ZNF804B: variants seen among roughly 807,000 people sequenced by gnomAD.
The protein encoded by ZNF804B is zinc finger 804B.
ZNF804B carries 80 observed loss-of-function variants against 101.4 expected under a neutral mutation model. That is an observed-to-expected ratio of 0.79 (90% confidence interval 0.66 to 0.95). The LOEUF (loss-of-function observed/expected upper bound fraction) is 0.95, where lower values mean the gene tolerates loss of function less well. Ranked by LOEUF, ZNF804B falls within the 40% of genes least tolerant of loss-of-function variation. ZNF804B has a pLI of 0.00. For missense variants in ZNF804B, 1,673 were observed against 1,561.9 expected, an observed-to-expected ratio of 1.07 and a Z score of -1.20; for synonymous variants, 622 against 558.8, an observed-to-expected ratio of 1.11 and a Z score of -1.59.
At chr7:89,185,130 A>G (rs1224985238) in intron 1 of ZNF804B, among the ~76,000 whole-genome samples, 3 of 152,208 alleles carry the variant, frequency 2.0e-5, no homozygotes, top group Non-Finnish European at 4.4e-5. Context: ...AAAGATAGCA[A>G]TTAGAGAATG....
In ZNF804B at chr7:88,965,597, T is replaced by A. The variant is rs1046030908; in HGVS notation, c.108+205513T>A. On this transcript the variant is annotated intron_variant, in intron 1 of 3. Coordinates refer to ENST00000333190, the MANE Select transcript of ZNF804B (RefSeq NM_181646.5). ...GAGAAACTTGAAAACAGATGGCCCA[T>A]CTGTTTCTGTCTGTATGAATTGTGG... 3.3e-5 allele frequency among the ~76,000 whole-genome samples: 5 copies of A among 151,558 alleles called. No homozygotes were observed. In the East Asian group the frequency reaches 9.8e-4, roughly 30 times the overall value.
chr7:88,794,428 G>A, intron 1 of ZNF804B: 1 of 1,613,786 alleles, frequency 6.2e-7, no homozygotes. Flanking sequence ...GAGAAAATCT[G>A]TGATGACCTC....
intron 1 of ZNF804B, among the ~76,000 whole-genome samples, chr7:88,907,747 T>C (rs1792494772): frequency 2.6e-5 from 4 of 151,910 alleles, no homozygotes. Context: ...GGAAGCAAAT[T>C]CCATGTGTTT....
chr7:89,276,966 T>G (rs1399659697), intron 2 of ZNF804B, among the ~76,000 whole-genome samples: 1 of 151,656 alleles, frequency 6.6e-6, no homozygotes, highest in Non-Finnish European at 1.5e-5. Flanking sequence ...TGTATATGTT[T>G]GTGTCTTTTG....
chr7:89,286,081 T>TTACTA (rs1790191976), intron 2 of ZNF804B, among the ~76,000 whole-genome samples: 2 of 152,186 alleles, frequency 1.3e-5, no homozygotes, highest in South Asian at 4.1e-4. Context: ...TTTCTAAAGT[T>TTACTA]CTTTTGATGT....
chr7:88,767,524 T>C (rs970322380), intron 1 of ZNF804B, among the ~76,000 whole-genome samples: 1 of 152,242 alleles, frequency 6.6e-6, no homozygotes, highest in African/African-American at 2.4e-5. Flanking sequence ...ATAAATGCCA[T>C]ATTCCAAACA....
intron 1 of ZNF804B, among the ~76,000 whole-genome samples, chr7:88,802,813 G>A (rs972038995): frequency 6.6e-6 from 1 of 151,648 alleles, no homozygotes; most frequent in Non-Finnish European, 1.5e-5. Flanking sequence ...TGAATATCAA[G>A]TGCAGAATTT....
At chr7:88,877,016 A>ATATAATATATATATATATAT (rs1791953216) in intron 1 of ZNF804B, among the ~76,000 whole-genome samples, 2 of 83,482 alleles carry the variant, frequency 2.4e-5, no homozygotes, top group Admixed American at 1.4e-4. Context: ...AAATATATAT[A>ATATAATATATATATATATAT]TATATATATA....
At chr7:88,994,428 A>C (rs1793890952) in intron 1 of ZNF804B, among the ~76,000 whole-genome samples, 1 of 152,054 alleles carries the variant, frequency 6.6e-6, no homozygotes, top group African/African-American at 2.4e-5. Flanking sequence ...AGTGTTTTTC[A>C]GCTATTTCAT....
chr7:89,056,769 G>A (rs1203369004), intron 1 of ZNF804B, among the ~76,000 whole-genome samples: 1 of 152,066 alleles, frequency 6.6e-6, no homozygotes, highest in East Asian at 1.9e-4. Flanking sequence ...TAGGAGTGGG[G>A]GAAACACTAT....
At chr7:88,767,485 G>C (rs1012339038) in intron 1 of ZNF804B, among the ~76,000 whole-genome samples, 7 of 152,134 alleles carry the variant, frequency 4.6e-5, no homozygotes, top group Admixed American at 4.6e-4. Context: ...GCAAGCAAAG[G>C]CTATATGCAT....
At position 89,010,802 on chromosome 7, in the gene ZNF804B, G is replaced by A. The variant is rs549066206; in HGVS notation, c.109-207353G>A. ...AACCAGAATCTAAGGCTGTGGAAAAGTCAGATAAAATTTAGTGTTTCAAAT... is the reference window on the plus strand; with the variant it reads ...AACCAGAATCTAAGGCTGTGGAAAAATCAGATAAAATTTAGTGTTTCAAAT... On this transcript the variant is annotated intron_variant, in intron 1 of 3. Coordinates refer to ENST00000333190, the MANE Select transcript of ZNF804B (RefSeq NM_181646.5). 3.9e-5 allele frequency among the ~76,000 whole-genome samples: 6 copies of A among 152,284 alleles called. No homozygotes were observed. In the South Asian group the frequency reaches 1.2e-3, roughly 32 times the overall value.
At chr7:88,884,226 A>G (rs545277898) in intron 1 of ZNF804B, among the ~76,000 whole-genome samples, 1 of 151,914 alleles carries the variant, frequency 6.6e-6, no homozygotes, top group Non-Finnish European at 1.5e-5. Flanking sequence ...AATGCAGAGT[A>G]TTACACAAAA....
intron 1 of ZNF804B, among the ~76,000 whole-genome samples, chr7:89,096,526 G>C (rs1789975119): frequency 1.3e-5 from 2 of 152,224 alleles, no homozygotes; most frequent in South Asian, 4.2e-4. Flanking sequence ...AAAGTGATCT[G>C]TTTATTGTAG....
intron 1 of ZNF804B, among the ~76,000 whole-genome samples, chr7:88,944,911 T>C (rs192340729): frequency 1.6e-4 from 24 of 151,842 alleles, no homozygotes; most frequent in African/African-American, 5.3e-4. Context: ...ATGTGTGTAA[T>C]GTATATATAA....
At chr7:88,815,889 C>T (rs1790867737) in intron 1 of ZNF804B, among the ~76,000 whole-genome samples, 1 of 151,968 alleles carries the variant, frequency 6.6e-6, no homozygotes, top group Non-Finnish European at 1.5e-5. Flanking sequence ...CCCTCTTTAC[C>T]TTTGTCAAGC....
intron 1 of ZNF804B, among the ~76,000 whole-genome samples, chr7:88,774,277 G>A (rs1790112479): frequency 6.7e-6 from 1 of 149,964 alleles, no homozygotes; most frequent in South Asian, 2.1e-4. Flanking sequence ...CAATTGAAAG[G>A]CTCCTGTTAA....
At chr7:89,144,905 A>G (rs1790770434) in intron 1 of ZNF804B, among the ~76,000 whole-genome samples, 1 of 151,934 alleles carries the variant, frequency 6.6e-6, no homozygotes. Flanking sequence ...CAGGAGTTAT[A>G]GTCCACCTTG....
chr7:89,334,195 T>G lies in ZNF804B; in HGVS notation c.1213T>G (p.Ser405Ala). 6.2e-7 allele frequency: 1 copy of G among 1,613,366 alleles called. No individual in the cohort carries two copies. Among genetic ancestry groups the G allele is most frequent in the Non-Finnish European group, 8.5e-7 (1 of 1,179,784 alleles). The change falls in exon 4 of 4, where the codon TCC becomes GCC. Residue 405 changes from serine to alanine, a missense_variant. By Grantham distance (99) the Ser-to-Ala change is moderately conservative. Transcript: ENST00000333190. ...GAGTACAGTGCATCTGAATCCAAATTCCAGAATAGAGAACAGAGAAAAATC... is the reference window on the plus strand; with the variant it reads ...GAGTACAGTGCATCTGAATCCAAATGCCAGAATAGAGAACAGAGAAAAATC... The part of the protein sequence containing the change: ...QKSTVHLNPN[S>A]RIENREKSLD...
Sources: allele counts gnomAD v4.1 joint callset (sites outside exome capture counted in the v4.1 genomes callset), GRCh38; gene constraint gnomAD v4.1.1; transcripts MANE v1.5; gene names NCBI Gene and HGNC (gene_info 2026-07-23, HGNC 2026-07-21).